Variants in ZFC3H1 observed in about 807,000 individuals in gnomAD.
ZFC3H1 encodes zinc finger C3H1 domain-containing protein.
A neutral mutation model predicts 243.7 loss-of-function variants in ZFC3H1; 71 were observed. The ratio of observed to expected loss-of-function variants is 0.29; its 90% CI spans 0.24 to 0.36. The LOEUF (loss-of-function observed/expected upper bound fraction) is 0.36, where lower values mean the gene tolerates loss of function less well. ZFC3H1 is among the 10% of genes least tolerant of loss of function. The probability of loss-of-function intolerance (pLI) is 1.00; values close to 1 mark genes in which losing one functional copy is unlikely to be tolerated. For missense variants in ZFC3H1, 1,966 were observed against 2,317.1 expected, an observed-to-expected ratio of 0.85 and a Z score of 3.11; for synonymous variants, 838 against 813.0, an observed-to-expected ratio of 1.03 and a Z score of -0.52.
chr12:71,643,277 G>A (rs983333849), intron 5 of ZFC3H1, among the ~76,000 whole-genome samples: 1 of 152,060 alleles, frequency 6.6e-6, no homozygotes, highest in Admixed American at 6.6e-5. Context: ...GCCAGGCATG[G>A]TGGTGGGTGC....
chr12:71,625,545 A>G lies in ZFC3H1; in HGVS notation c.4317+715T>C, dbSNP rs1225845637. Among the ~76,000 whole-genome samples the G allele has an allele frequency of 3.9e-5, 6 of 152,220 alleles. 1 individual carries two copies. Among genetic ancestry groups the G allele is most frequent in the East Asian group, 1.9e-4 (1 of 5,170 alleles). ...CATCTCTACAAAAAATCTAAAAACT[A>G]TCCAGGCATGGTAGCACGCATGTGT... On this transcript the variant is annotated intron_variant, in intron 22 of 34. Coordinates refer to ENST00000378743, the MANE Select transcript of ZFC3H1 (RefSeq NM_144982.5).
rs752663673 is a variant in ZFC3H1, at chr12:71,611,770, A to T, written c.5729+16T>A. ...AAGCAATAGCTATAAAAACATGTAC[A>T]TGATTGTTGCATTACATTTTCCAGG... On this transcript the variant is annotated intron_variant, in intron 32 of 34. Coordinates refer to ENST00000378743, the MANE Select transcript of ZFC3H1 (RefSeq NM_144982.5). 1 of 1,579,178 alleles carries T rather than the reference A, an allele frequency of 6.3e-7. No individual in the cohort carries two copies. The highest frequency in any genetic ancestry group is 8.7e-7 in the Non-Finnish European group (1 of 1,152,882).
chr12:71,656,216 A>C (rs560797973), intron 2 of ZFC3H1: 23 of 208,820 alleles, frequency 1.1e-4, no homozygotes, highest in Middle Eastern at 1.7e-3. Context: ...ATGGTTACCC[A>C]CTGTCTACAT....
At chr12:71,633,114 A>C in intron 13 of ZFC3H1, 97 bp from the exon 14 acceptor site, 1 of 1,419,566 alleles carries the variant, frequency 7.0e-7, no homozygotes, top group South Asian at 1.4e-5. Context: ...ATTCAACTGA[A>C]AATAAAAATA....
rs1211626719 is a variant in ZFC3H1 at position 71,636,545 on chromosome 12, C to T, written c.2045G>A (p.Arg682Lys). Residue 682 changes from arginine to lysine, a missense_variant, in exon 9 of 35, where the codon AGG becomes AAG. Arg to Lys is a conservative substitution (Grantham distance 26). Transcript: ENST00000378743. ...TCTGTGAAACTTTGGATTCTGTATC[C>T]TAGGCTGAGACACTGTGTTAATACT... ...IVSINTVSQP[R>K]IQNPKFHRGP... 6.2e-7 allele frequency: 1 copy of T among 1,612,080 alleles called. No individual in the cohort carries two copies. Among genetic ancestry groups the T allele is most frequent in the Non-Finnish European group, 8.5e-7 (1 of 1,179,066 alleles).
chr12:71,646,057 G>T (rs935793416), intron 3 of ZFC3H1, among the ~76,000 whole-genome samples: 2 of 152,100 alleles, frequency 1.3e-5, no homozygotes, highest in Non-Finnish European at 1.5e-5. Context: ...TAGGTAAATT[G>T]TAATTATATT....
chr12:71,628,105 C>T (rs1032524787), intron 20 of ZFC3H1, among the ~76,000 whole-genome samples, 171 bp from the exon 21 acceptor site: 1 of 152,168 alleles, frequency 6.6e-6, no homozygotes, highest in Non-Finnish European at 1.5e-5. Flanking sequence ...TCACCCAAAC[C>T]AGGACCCTTC....
At chr12:71,630,460 T>C (rs1193096386) in intron 18 of ZFC3H1, 140 bp downstream of exon 18, 4 of 1,200,814 alleles carry the variant, frequency 3.3e-6, no homozygotes, top group Non-Finnish European at 4.5e-6. Context: ...TTATACTGGA[T>C]ACAGCAAATC....
chr12:71,659,825 T>C (rs1456452773), intron 1 of ZFC3H1, among the ~76,000 whole-genome samples: 1 of 152,190 alleles, frequency 6.6e-6, no homozygotes, highest in Admixed American at 6.5e-5. Context: ...ATTCAACCTT[T>C]TCAGCTGCAG....
chr12:71,651,383 TTTTCTC>T (rs1880882795), intron 2 of ZFC3H1, among the ~76,000 whole-genome samples: 1 of 152,202 alleles, frequency 6.6e-6, no homozygotes, highest in Non-Finnish European at 1.5e-5. Flanking sequence ...CTGCTATACT[TTTTCTC>T]TTTCATAACA....
Position 71,663,572 on chromosome 12 carries a change from G to A in ZFC3H1, c.39C>T (p.Gly13=), listed in dbSNP as rs761571220. 4.3e-6 allele frequency: 7 copies of A among 1,612,438 alleles called. No homozygotes were observed. In the East Asian group the frequency reaches 1.3e-4, roughly 31 times the overall value. The change falls in exon 1 of 35, where the codon GGC becomes GGT. Residue 13 remains glycine (G), a synonymous_variant. Transcript: ENST00000378743. ...GCTCCCCTTCTTCCTTCGGCGAGAG[G>A]CCACTGGAGGCCGGGGCCGGAGTAT... ...TADTPAPASS[G]LSPKEEGELE... is the part of the protein sequence containing the mutation.
In ZFC3H1 at chr12:71,642,341, T is replaced by C. The variant is rs1592597189; in HGVS notation, c.1627+95A>G. ...TACAGTTCATCAGCAAATCTCACTT[T>C]CATTACACATTTCTTTAAAGGTTTT... is the stretch of plus-strand genomic sequence containing the variant. On this transcript the variant is annotated intron_variant, in intron 6 of 34. Transcript: ENST00000378743. 5.1e-6 allele frequency: 7 copies of C among 1,372,652 alleles called. No homozygotes were observed. In the East Asian group the frequency reaches 1.4e-4, roughly 28 times the overall value. The allele number at this position is 1,372,652 out of a possible 1,614,324, so 85.0% of individuals were successfully genotyped here. A position where few individuals can be genotyped will look rare whatever the true frequency, so the allele number is the denominator to read the frequency against.
Position 71,615,331 on chromosome 12 carries a change from C to G in ZFC3H1, c.5145-15G>C, listed in dbSNP as rs1279883035. On this transcript the variant is annotated splice_polypyrimidine_tract_variant and intron_variant, in intron 27 of 34. Coordinates refer to ENST00000378743, the MANE Select transcript of ZFC3H1 (RefSeq NM_144982.5). ...TTAAGAGATACCTGAAAAAAAAAAT[C>G]CAAATATTGTTTTAAATTACACCTA... 6.6e-7 allele frequency: 1 copy of G among 1,521,396 alleles called. No individual in the cohort carries two copies. The highest frequency in any genetic ancestry group is 1.2e-5 in the South Asian group (1 of 85,788). The allele number at this position is 1,521,396 out of a possible 1,614,324, so 94.2% of individuals were successfully genotyped here.
Position 71,630,727 on chromosome 12 carries a change from A to AT in ZFC3H1, c.3603-7dup. On this transcript the variant is annotated splice_polypyrimidine_tract_variant and splice_region_variant and intron_variant, in intron 17 of 34. Coordinates refer to ENST00000378743, the MANE Select transcript of ZFC3H1 (RefSeq NM_144982.5). ...TATAGTCTTGTATATGCTGCCTAAGATAAAAAAAAACACAGAAAAGATAAT... is the reference window on the plus strand; with the variant it reads ...TATAGTCTTGTATATGCTGCCTAAGATTAAAAAAAAACACAGAAAAGATAAT... 6.2e-7 allele frequency: 1 copy of AT among 1,605,872 alleles called. No homozygotes were observed. Among genetic ancestry groups the AT allele is most frequent in the Non-Finnish European group, 8.5e-7 (1 of 1,177,706 alleles).
Position 71,619,343 on chromosome 12 carries a change from C to G in ZFC3H1, c.5116G>C (p.Glu1706Gln). 1 of 1,613,714 alleles carries G rather than the reference C, an allele frequency of 6.2e-7. No individual in the cohort carries two copies. The highest frequency in any genetic ancestry group is 8.5e-7 in the Non-Finnish European group (1 of 1,179,802). Reference sequence around the variant, plus strand: ...AACAGATCCAAGTTATTATACTTCTCAAACCCCGGTTTAAAGAAGGATGCA... The same window carrying G: ...AACAGATCCAAGTTATTATACTTCTGAAACCCCGGTTTAAAGAAGGATGCA... The part of the protein sequence containing the change: ...FIASFFKPGF[E>Q]KYNNLDLFRY... Residue 1706 changes from glutamate (E) to glutamine (Q), a missense_variant, in exon 27 of 35, where the codon GAG (glutamate) becomes CAG (glutamine). By Grantham distance (29) the Glu-to-Gln change is conservative (BLOSUM62 2). Transcript: ENST00000378743.
In ZFC3H1 at chr12:71,656,967, T is replaced by C. The variant is rs764958940; in HGVS notation, c.933A>G (p.Pro311=). The C allele has an allele frequency of 7.4e-6, 12 of 1,613,844 alleles. No individual in the cohort carries two copies. In the African/African-American group the frequency reaches 1.2e-4, roughly 16 times the overall value. ...LKPLRQKLTL[P]GDKNRLKKVK... ...CTTTTTTCAAACGGTTCTTATCTCC[T>C]GGTAAAGTCAATTTTTGCCTGAGTG... Residue 311 remains proline (P), a synonymous_variant, in exon 2 of 35, where the codon CCA becomes CCG. Transcript: ENST00000378743.
At position 71,632,920 on chromosome 12, in the gene ZFC3H1, A is replaced by G. The variant is rs990966560; in HGVS notation, c.2783T>C (p.Ile928Thr). ...ARAKAVASKE[I>T]GKRKLEQDRF... The stretch of plus-strand genomic sequence containing the variant: ...ATCTTGTTCCAGTTTACGTTTTCCT[A>G]TTTCTTTACTGGCCACTGCCTTTGC... The change falls in exon 14 of 35, where the codon ATA (isoleucine) becomes ACA (threonine). Residue 928 changes from isoleucine to threonine, a missense_variant. Physicochemically the swap from Ile to Thr is moderately conservative, Grantham distance 89 (BLOSUM62 -1). This residue lies in a region of ZFC3H1 where 1,383 missense variants were observed against 1,723.7 expected (regional missense o/e 0.80). Transcript: ENST00000378743. The G allele has an allele frequency of 1.2e-5, 19 of 1,612,920 alleles. No homozygotes were observed. Among genetic ancestry groups the G allele is most frequent in the Non-Finnish European group, 1.6e-5 (19 of 1,179,734 alleles).
chr12:71,638,041 A>G (rs1880508556), intron 7 of ZFC3H1, among the ~76,000 whole-genome samples: 1 of 152,140 alleles, frequency 6.6e-6, no homozygotes, highest in Non-Finnish European at 1.5e-5. Context: ...AAGAGGAGAA[A>G]GGAGAGTATT....
chr12:71,609,935 C>G lies in ZFC3H1; in HGVS notation c.*493G>C, dbSNP rs139009105. On this transcript the variant is annotated 3_prime_UTR_variant, in exon 35 of 35. Coordinates refer to ENST00000378743, the MANE Select transcript of ZFC3H1 (RefSeq NM_144982.5). ...GTTACACTTTCCTTAAGATGGACTGCTATAGTTTTAAATCCTGAAATGAAG... is the reference window on the plus strand; with the variant it reads ...GTTACACTTTCCTTAAGATGGACTGGTATAGTTTTAAATCCTGAAATGAAG... The G allele has an allele frequency of 6.6e-6, 1 of 152,480 alleles. No homozygotes were observed. The highest frequency in any genetic ancestry group is 1.5e-5 in the Non-Finnish European group (1 of 68,108). 9.4% of individuals were successfully genotyped at this position (152,480 alleles called of 1,614,324 possible).
Sources: gnomAD v4.1 joint callset for allele counts (sites outside exome capture counted in the v4.1 genomes callset) on GRCh38, gnomAD v4.1.1 for gene constraint, gnomAD v4.1.1 regional missense constraint, MANE v1.5 for transcripts, NCBI Gene and HGNC (gene_info 2026-07-23, HGNC 2026-07-21) for gene names.